The following MACO1 variants were observed in gnomAD, a reference collection of about 807,000 sequenced individuals.
MACO1 encodes the protein macoilin 1.
Under a neutral mutation model 78.7 loss-of-function variants are expected in MACO1, and 14 were observed. The ratio of observed to expected loss-of-function variants is 0.18; its 90% CI spans 0.12 to 0.28. MACO1 has a LOEUF of 0.28. Ranked by LOEUF, MACO1 falls within the 10% of genes least tolerant of loss-of-function variation. MACO1 has a pLI of 1.00. For missense variants in MACO1, 501 were observed against 799.0 expected (o/e 0.63, Z 4.50); for synonymous variants, 288 against 291.6 (o/e 0.99, Z 0.12).
intron 1 of MACO1, among the ~76,000 whole-genome samples, chr1:25,435,590 C>T (rs1220486841): frequency 6.6e-6 from 1 of 152,182 alleles, no homozygotes; most frequent in Non-Finnish European, 1.5e-5. Context: ...ATTAAAGTCA[C>T]TGCAGGCTGT....
intron 6 of MACO1, among the ~76,000 whole-genome samples, chr1:25,465,337 G>T (rs1384866189): frequency 6.6e-6 from 1 of 152,186 alleles, no homozygotes; most frequent in Non-Finnish European, 1.5e-5. Context: ...CACAGTTGCT[G>T]GATCATAGAG....
At chr1:25,473,971 A>G (rs906940693) in intron 6 of MACO1, among the ~76,000 whole-genome samples, 1 of 152,204 alleles carries the variant, frequency 6.6e-6, no homozygotes, top group African/African-American at 2.4e-5. Context: ...AGAAAGGACC[A>G]TTACTCCCCC....
rs571662400 is a variant in MACO1 at position 25,478,334 on chromosome 1, G to C, written c.1155-5782G>C. ...CAAAGATATTTTTCCTCTTTAGCCT[G>C]TCTGAAAGGCTAACATTTGAACTTC... On this transcript the variant is annotated intron_variant, in intron 6 of 10. Transcript: ENST00000374343. 3.3e-5 allele frequency among the ~76,000 whole-genome samples: 5 copies of C among 152,336 alleles called. No individual in the cohort carries two copies. In the South Asian group the frequency reaches 6.2e-4, roughly 19 times the overall value.
At chr1:25,449,668 A>C (rs1223147128) in intron 3 of MACO1, among the ~76,000 whole-genome samples, 2 of 152,142 alleles carry the variant, frequency 1.3e-5, no homozygotes. Context: ...GATTTCTTAG[A>C]GGATCTAAAG....
At chr1:25,481,919 G>T (rs2043382569) in intron 6 of MACO1, among the ~76,000 whole-genome samples, 1 of 152,230 alleles carries the variant, frequency 6.6e-6, no homozygotes. Flanking sequence ...GTGACTGTCA[G>T]TGTTTTATGA....
intron 6 of MACO1, among the ~76,000 whole-genome samples, chr1:25,471,067 G>A (rs1376344996): frequency 6.6e-6 from 1 of 150,672 alleles, no homozygotes. Context: ...GGCCGGGTAC[G>A]GTGGCTCACA....
chr1:25,454,440 G>A lies in MACO1; in HGVS notation c.473+58G>A, dbSNP rs761921727. On this transcript the variant is annotated intron_variant, in intron 4 of 10. Transcript: ENST00000374343. Reference sequence around the variant, plus strand: ...TGTATATGTGTGTATGTATATATATGTGTGTGTGTGTGTGTGTGTGTGTGT... The same window carrying A: ...TGTATATGTGTGTATGTATATATATATGTGTGTGTGTGTGTGTGTGTGTGT... The A allele has an allele frequency of 2.2e-3, 174 of 78,372 alleles. No homozygotes were observed. The highest frequency in any genetic ancestry group is 2.7e-3 in the Non-Finnish European group (133 of 49,794). 4.9% of individuals were successfully genotyped at this position (78,372 alleles called of 1,614,324 possible).
At chr1:25,456,897 T>C (rs2043126690) in intron 5 of MACO1, 66 bp downstream of exon 5, 1 of 1,502,038 alleles carries the variant, frequency 6.7e-7, no homozygotes, top group Non-Finnish European at 8.9e-7. Context: ...TGGTAGAATT[T>C]TCTTTTCTGG....
intron 1 of MACO1, among the ~76,000 whole-genome samples, chr1:25,432,156 T>G (rs1445536985): frequency 8.5e-5 from 13 of 152,258 alleles, no homozygotes; most frequent in Admixed American, 8.5e-4. Flanking sequence ...TCTCAGCATG[T>G]GGATGTAGGC....
chr1:25,431,391 G>T (rs2124562819), intron 1 of MACO1, among the ~76,000 whole-genome samples: 1 of 147,156 alleles, frequency 6.8e-6, no homozygotes, highest in East Asian at 2.0e-4. Flanking sequence ...GGGCGGGCAG[G>T]GCGCGGCGGG....
chr1:25,478,812 T>C (rs1414116221), intron 6 of MACO1, among the ~76,000 whole-genome samples: 3 of 152,254 alleles, frequency 2.0e-5, no homozygotes, highest in Non-Finnish European at 4.4e-5. Context: ...GGGCCCTGTC[T>C]GTGTCCAAAG....
At chr1:25,460,498 A>G (rs2043161580) in intron 6 of MACO1, among the ~76,000 whole-genome samples, 1 of 150,618 alleles carries the variant, frequency 6.6e-6, no homozygotes, top group Non-Finnish European at 1.5e-5. Flanking sequence ...CTACCTCCCC[A>G]GGCTCAGGTT....
At chr1:25,442,955 A>T (rs1258824921) in intron 1 of MACO1, among the ~76,000 whole-genome samples, 2 of 152,236 alleles carry the variant, frequency 1.3e-5, no homozygotes, top group African/African-American at 4.8e-5. Flanking sequence ...CAGAGAATCA[A>T]GGTAACATCA....
At chr1:25,464,841 A>G (rs554801479) in intron 6 of MACO1, among the ~76,000 whole-genome samples, 2 of 151,566 alleles carry the variant, frequency 1.3e-5, no homozygotes, top group South Asian at 4.2e-4. Context: ...TATTTTTAGT[A>G]GAGACGGTTT....
At chr1:25,471,669 G>A (rs2043272956) in intron 6 of MACO1, among the ~76,000 whole-genome samples, 1 of 152,168 alleles carries the variant, frequency 6.6e-6, no homozygotes, top group Admixed American at 6.5e-5. Context: ...GAAGCAGGGA[G>A]GGTGGCACCC....
chr1:25,440,109 TG>T (rs1291949473), intron 1 of MACO1, among the ~76,000 whole-genome samples: 1 of 151,622 alleles, frequency 6.6e-6, no homozygotes, highest in African/African-American at 2.4e-5. Context: ...TAAAACTGGC[TG>T]GATGTGGTGG....
intron 6 of MACO1, among the ~76,000 whole-genome samples, chr1:25,471,915 G>A (rs556938151): frequency 6.6e-6 from 1 of 152,282 alleles, no homozygotes; most frequent in African/African-American, 2.4e-5. Flanking sequence ...CTTTGAAAGA[G>A]GTGTAAGAAT....
intron 6 of MACO1, among the ~76,000 whole-genome samples, chr1:25,479,489 C>T (rs773484232): frequency 2.0e-5 from 3 of 152,146 alleles, no homozygotes; most frequent in Non-Finnish European, 2.9e-5. Context: ...TCTTGGCTCA[C>T]TGCAACCTCT....
At chr1:25,440,747 G>T (rs1177158018) in intron 1 of MACO1, among the ~76,000 whole-genome samples, 5 of 138,186 alleles carry the variant, frequency 3.6e-5, no homozygotes, top group Admixed American at 1.5e-4. Context: ...CAGCCTGGGC[G>T]ACAGAGTGAG....
Sources: allele counts gnomAD v4.1 joint callset (sites outside exome capture counted in the v4.1 genomes callset), GRCh38; gene constraint gnomAD v4.1.1; transcripts MANE v1.5; gene names NCBI Gene and HGNC (gene_info 2026-07-23, HGNC 2026-07-21).